PCDH9: variants seen among roughly 807,000 people sequenced by gnomAD.
PCDH9 encodes the protein protocadherin 9.
Under a neutral mutation model 70.6 loss-of-function variants are expected in PCDH9, and 24 were observed. The observed-to-expected ratio is 0.34, with a 90% CI of 0.25 to 0.48. The LOEUF (loss-of-function observed/expected upper bound fraction) is 0.48, where lower values mean the gene tolerates loss of function less well. Among genes scored for constraint, PCDH9 ranks in the 20% least tolerant of loss-of-function variants. The pLI is 0.99. For missense variants in PCDH9, 1,281 were observed against 1,503.6 expected (o/e 0.85, Z 2.45); for synonymous variants, 562 against 558.5 (o/e 1.01, Z -0.09).
chr13:66,935,338 G>A (rs2082898838), intron 2 of PCDH9, among the ~76,000 whole-genome samples: 2 of 152,126 alleles, frequency 1.3e-5, no homozygotes, highest in African/African-American at 2.4e-5. Flanking sequence ...TTACAGGCCT[G>A]AGTTTCCATT....
chr13:66,486,231 C>T (rs1958938262), intron 4 of PCDH9, among the ~76,000 whole-genome samples: 1 of 151,866 alleles, frequency 6.6e-6, no homozygotes, highest in South Asian at 2.1e-4. Context: ...TATTTGAACC[C>T]AATAGTTTGA....
intron 2 of PCDH9, among the ~76,000 whole-genome samples, chr13:67,021,223 G>T (rs2084667135): frequency 6.6e-6 from 1 of 152,108 alleles, no homozygotes; most frequent in Non-Finnish European, 1.5e-5. Flanking sequence ...ACAAGTACTA[G>T]CAAAGAAAGA....
intron 2 of PCDH9, chr13:67,202,423 T>C (rs1297784048): frequency 6.6e-6 from 1 of 152,066 alleles, no homozygotes; most frequent in East Asian, 1.9e-4. Flanking sequence ...TAATAGAATA[T>C]TAGAATATTA....
intron 2 of PCDH9, among the ~76,000 whole-genome samples, chr13:67,117,609 T>G (rs2138289959): frequency 6.6e-6 from 1 of 152,230 alleles, no homozygotes; most frequent in Middle Eastern, 3.4e-3. Context: ...CCAAAGGCTA[T>G]TTATAATGTT....
intron 4 of PCDH9, among the ~76,000 whole-genome samples, chr13:66,552,696 A>C (rs528268157): frequency 1.3e-5 from 2 of 152,308 alleles, no homozygotes; most frequent in South Asian, 4.2e-4. Flanking sequence ...TATAAAAATC[A>C]ACATAATGTG....
chr13:67,114,559 AT>A (rs1052444772), intron 2 of PCDH9, among the ~76,000 whole-genome samples: 7 of 152,210 alleles, frequency 4.6e-5, no homozygotes, highest in African/African-American at 1.7e-4. Flanking sequence ...GCAGATAAAC[AT>A]TTTTTTTCCA....
rs780419910 is a variant in PCDH9, at chr13:66,903,515, T to C, written c.3127A>G (p.Ser1043Gly). The C allele has an allele frequency of 6.8e-6, 10 of 1,479,822 alleles. No individual in the cohort carries two copies. The highest frequency in any genetic ancestry group is 7.6e-6 in the Non-Finnish European group (8 of 1,059,328). The allele number at this position is 1,479,822 out of a possible 1,614,324, so 91.7% of individuals were successfully genotyped here. ...GATATATGGCATACCTCGTAATGGC[T>C]TTCTTCATTCTCCTGAATGTGGAAA... ...TGFHIQENEE[S>G]HYESQRRVTF... The change falls in exon 3 of 5, where the codon AGC becomes GGC. Residue 1043 changes from serine (S) to glycine (G), a missense_variant. Physicochemically the swap from Ser to Gly is moderately conservative, Grantham distance 56. This residue lies in a region of PCDH9 where 264 missense variants were observed against 278.8 expected (regional missense o/e 0.95). Transcript: ENST00000377865.
chr13:66,978,855 T>C lies in PCDH9; in HGVS notation c.3037-75250A>G, dbSNP rs2083678042. Among the ~76,000 whole-genome samples the C allele has an allele frequency of 3.3e-5, 5 of 150,972 alleles. No homozygotes were observed. In the South Asian group the frequency reaches 1.0e-3, roughly 31 times the overall value. ...GAATATGAATGTATGTATATATGTATATTTATATATGCATATGTATGAAGT... is the reference window on the plus strand; with the variant it reads ...GAATATGAATGTATGTATATATGTACATTTATATATGCATATGTATGAAGT... On this transcript the variant is annotated intron_variant, in intron 2 of 4. Coordinates refer to ENST00000377865, the MANE Select transcript of PCDH9 (RefSeq NM_203487.3).
intron 2 of PCDH9, among the ~76,000 whole-genome samples, chr13:67,115,017 ATTGT>A (rs1211379136): frequency 6.6e-6 from 1 of 151,816 alleles, no homozygotes; most frequent in Non-Finnish European, 1.5e-5. Context: ...GATTTTTTTT[ATTGT>A]TTGTTTTGTT....
chr13:66,486,637 GAA>G (rs35868123), intron 4 of PCDH9, among the ~76,000 whole-genome samples: 45,294 of 115,990 alleles, frequency 0.39, 7,596 homozygotes, highest in East Asian at 0.67. Flanking sequence ...TGCTATCTCA[GAA>G]AAAAAAAAAA....
rs1640372359 is a variant in PCDH9 at position 66,334,266 on chromosome 13, C to T, written c.3341-29238G>A. ...TTATGATACCAACCTTTTAATCTCC[C>T]GCATATGAGTGAGAACATGTGATAT... On this transcript the variant is annotated intron_variant, in intron 4 of 4. Transcript: ENST00000377865. 2.0e-5 allele frequency among the ~76,000 whole-genome samples: 3 copies of T among 152,042 alleles called. No homozygotes were observed. In the South Asian group the frequency reaches 6.2e-4, roughly 32 times the overall value.
chr13:66,780,520 G>C (rs1239323624), intron 3 of PCDH9, among the ~76,000 whole-genome samples: 1 of 152,084 alleles, frequency 6.6e-6, no homozygotes, highest in East Asian at 1.9e-4. Context: ...CATTCTTTCA[G>C]ATTCCCATGT....
chr13:66,715,736 G>A lies in PCDH9; in HGVS notation c.3139-84325C>T, dbSNP rs1051523370. 4.6e-5 allele frequency among the ~76,000 whole-genome samples: 7 copies of A among 152,158 alleles called. No homozygotes were observed. The South Asian group carries it at 8.3e-4, about 18-fold the overall frequency. ...TGAGTAAAAGATGCCAATAAATAAC[G>A]CACAGACAAATAAATGCAACAATAA... On this transcript the variant is annotated intron_variant, in intron 3 of 4. Coordinates refer to ENST00000377865, the MANE Select transcript of PCDH9 (RefSeq NM_203487.3).
At chr13:66,960,395 A>G (rs1016532034) in intron 2 of PCDH9, among the ~76,000 whole-genome samples, 2 of 152,192 alleles carry the variant, frequency 1.3e-5, no homozygotes, top group African/African-American at 4.8e-5. Flanking sequence ...ATCTACATAT[A>G]TTTCATCTAC....
At chr13:66,488,834 G>T (rs181059996) in intron 4 of PCDH9, among the ~76,000 whole-genome samples, 45 of 152,110 alleles carry the variant, frequency 3.0e-4, no homozygotes, top group African/African-American at 1.1e-3. Context: ...AAATAAAATT[G>T]AATCTCTATA....
intron 2 of PCDH9, among the ~76,000 whole-genome samples, chr13:67,044,869 G>A (rs2085192415): frequency 6.6e-6 from 1 of 152,130 alleles, no homozygotes; most frequent in Non-Finnish European, 1.5e-5. Context: ...AGCATGGCCT[G>A]TTAAATCTGC....
At chr13:66,707,368 G>T (rs1223658493) in intron 3 of PCDH9, among the ~76,000 whole-genome samples, 1 of 152,146 alleles carries the variant, frequency 6.6e-6, no homozygotes, top group African/African-American at 2.4e-5. Flanking sequence ...TAGAAAAAAA[G>T]CAAGTGACAA....
intron 2 of PCDH9, among the ~76,000 whole-genome samples, chr13:67,074,393 G>A (rs1374572813): frequency 5.9e-5 from 9 of 152,062 alleles, no homozygotes; most frequent in Non-Finnish European, 1.0e-4. Flanking sequence ...GTTGATCTTG[G>A]AGTTCTCAGC....
intron 2 of PCDH9, among the ~76,000 whole-genome samples, chr13:67,003,166 T>C (rs1035324850): frequency 6.6e-6 from 1 of 152,118 alleles, no homozygotes; most frequent in African/African-American, 2.4e-5. Flanking sequence ...TATACACATA[T>C]ACATACACAT....
Sources: allele counts gnomAD v4.1 joint callset (sites outside exome capture counted in the v4.1 genomes callset), GRCh38; gene constraint gnomAD v4.1.1; regional missense constraint gnomAD v4.1.1; transcripts MANE v1.5; gene names NCBI Gene and HGNC (gene_info 2026-07-23, HGNC 2026-07-21).